The following INPP5J variants were observed in gnomAD, a reference collection of about 807,000 sequenced individuals.
INPP5J encodes inositol polyphosphate-5-phosphatase J.
In INPP5J, 75 loss-of-function variants were observed where a neutral mutation model predicts 86.6. That is an observed-to-expected ratio of 0.87 (90% CI 0.72 to 1.05). The LOEUF is 1.05. Ranked by LOEUF, INPP5J falls within the 50% of genes least tolerant of loss-of-function variation. INPP5J has a pLI of 0.00. For missense variants in INPP5J, 1,229 were observed against 1,341.2 expected (o/e 0.92, Z 1.31); for synonymous variants, 540 against 550.0 (o/e 0.98, Z 0.25).
chr22:31,128,566 G>A lies in INPP5J; in HGVS notation c.2105G>A (p.Arg702Gln), dbSNP rs541786704. ...AGCCCCTCAGGACGGAAGAGCCACC[G>A]ACTCCAGGTGACGCAGCACAGCTAC... ...GPSPSGRKSH[R>Q]LQVTQHSYRS... The change falls in exon 9 of 13, where the codon CGA becomes CAA. Residue 702 changes from arginine to glutamine, a missense_variant. Arg to Gln is a conservative substitution (Grantham distance 43). Coordinates refer to ENST00000331075, the MANE Select transcript of INPP5J (RefSeq NM_001284285.2). The A allele has an allele frequency of 2.9e-5, 46 of 1,613,314 alleles. No homozygotes were observed. In the East Asian group the frequency reaches 4.5e-4, roughly 16 times the overall value.
rs1363921103 is a variant in INPP5J at position 31,124,922 on chromosome 22, TG to T, written c.184del (p.Val62Ter). On this transcript the variant is annotated frameshift_variant, in exon 2 of 13. Coordinates refer to ENST00000331075, the MANE Select transcript of INPP5J (RefSeq NM_001284285.2). LOFTEE classifies it high-confidence loss of function. ...PSEPRLALAP[V>X]GPRAAMSASS... ...CGGAACCAAGGTTGGCTCTGGCACC[TG>T]TAGGGCCACGGGCAGCTATGTCAGC... 6.2e-7 allele frequency: 1 copy of T among 1,613,680 alleles called. No individual in the cohort carries two copies. Among genetic ancestry groups the T allele is most frequent in the Non-Finnish European group, 8.5e-7 (1 of 1,179,800 alleles).
chr22:31,125,292 C>G lies in INPP5J; in HGVS notation c.553C>G (p.Leu185Val). 1 of 1,550,570 alleles carries G rather than the reference C, an allele frequency of 6.4e-7. No individual in the cohort carries two copies. The highest frequency in any genetic ancestry group is 8.7e-7 in the Non-Finnish European group (1 of 1,146,992). The change falls in exon 2 of 13, where the codon CTG (leucine) becomes GTG (valine). Residue 185 changes from leucine (L) to valine (V), a missense_variant. Coordinates refer to ENST00000331075, the MANE Select transcript of INPP5J (RefSeq NM_001284285.2). The part of the protein sequence containing the change: ...GPKPTLAASG[L>V]SLALASEEQP... ...CAAGCCAACACTGGCAGCCTCTGGC[C>G]TGAGCCTGGCCCTGGCTTCTGAGGA...
chr22:31,130,196 C>T (rs932328112), intron 9 of INPP5J, among the ~76,000 whole-genome samples: 6 of 150,872 alleles, frequency 4.0e-5, no homozygotes, highest in Admixed American at 4.0e-4. Flanking sequence ...CAAAAATTAG[C>T]CTGGCGCAGT....
chr22:31,130,945 C>T (rs994577436), intron 9 of INPP5J, among the ~76,000 whole-genome samples: 1 of 152,150 alleles, frequency 6.6e-6, no homozygotes, highest in Admixed American at 6.5e-5. Context: ...CATACACAGG[C>T]TCTGCAGTGG....
intron 9 of INPP5J, 103 bp downstream of exon 9, chr22:31,128,757 C>A: frequency 1.0e-6 from 1 of 970,422 alleles, no homozygotes; most frequent in Non-Finnish European, 1.5e-6. Context: ...TACCTGCCCT[C>A]AGCAGCATCC....
At chr22:31,131,398 A>C (rs1922051632) in intron 9 of INPP5J, among the ~76,000 whole-genome samples, 2 of 151,992 alleles carry the variant, frequency 1.3e-5, no homozygotes, top group African/African-American at 4.8e-5. Flanking sequence ...CCCTCTCTCT[A>C]CTAAAAATAC....
At chr22:31,129,232 CTTTTTTT>C (rs576089657) in intron 9 of INPP5J, among the ~76,000 whole-genome samples, 17 of 79,124 alleles carry the variant, frequency 2.1e-4, no homozygotes, top group Non-Finnish European at 2.5e-4. Context: ...GTCTGGCCAA[CTTTTTTT>C]TTTTTTTTTT....
chr22:31,130,814 C>T (rs1165288229), intron 9 of INPP5J, among the ~76,000 whole-genome samples: 5 of 152,110 alleles, frequency 3.3e-5, no homozygotes, highest in Non-Finnish European at 7.3e-5. Context: ...TCCTGGTTGC[C>T]GACATCAAAA....
rs1349895971 is a variant in INPP5J at position 31,125,551 on chromosome 22, C to G, written c.812C>G (p.Thr271Ser). The change falls in exon 2 of 13, where the codon ACC (threonine) becomes AGC (serine). Residue 271 changes from threonine (T) to serine (S), a missense_variant. By Grantham distance (58) the Thr-to-Ser change is moderately conservative. Transcript: ENST00000331075. Reference protein sequence around the residue: ...GPTGSPPCIQTSPDPRLSPSF... With the variant: ...GPTGSPPCIQSSPDPRLSPSF... ...ACAGGCTCCCCACCCTGCATCCAAA[C>G]CTCCCCAGACCCTCGGCTCTCCCCC... 1.3e-6 allele frequency: 2 copies of G among 1,550,482 alleles called. No homozygotes were observed. Among genetic ancestry groups the G allele is most frequent in the African/African-American group, 2.7e-5 (2 of 73,026 alleles).
chr22:31,130,225 C>G (rs748555102), intron 9 of INPP5J, among the ~76,000 whole-genome samples: 6 of 152,148 alleles, frequency 3.9e-5, no homozygotes, highest in South Asian at 4.1e-4. Context: ...CCTGTAATCC[C>G]AGTTGCTTGG....
Position 31,125,918 on chromosome 22 carries a change from C to T in INPP5J, c.1179C>T (p.Ala393=). 6.2e-7 allele frequency: 1 copy of T among 1,613,624 alleles called. No homozygotes were observed. Among genetic ancestry groups the T allele is most frequent in the Non-Finnish European group, 8.5e-7 (1 of 1,179,674 alleles). Residue 393 remains alanine (A), a synonymous_variant, in exon 2 of 13, where the codon GCC becomes GCT. Coordinates refer to ENST00000331075, the MANE Select transcript of INPP5J (RefSeq NM_001284285.2). ...CLSPNLQAQE[A]PAPVTTSSST... ...GCCCCAACCTTCAGGCCCAAGAAGCCCCAGCCCCAGTCACCACCTCCTCTT... is the reference window on the plus strand; with the variant it reads ...GCCCCAACCTTCAGGCCCAAGAAGCTCCAGCCCCAGTCACCACCTCCTCTT...
At chr22:31,123,480 G>A in intron 1 of INPP5J, among the ~76,000 whole-genome samples, 1 of 152,154 alleles carries the variant, frequency 6.6e-6, no homozygotes. Context: ...ATCTGGGATG[G>A]CTAAGTTGTT....
intron 1 of INPP5J, 131 bp from the exon 2 acceptor site, chr22:31,124,714 G>C: frequency 2.6e-6 from 2 of 765,138 alleles, no homozygotes; most frequent in Non-Finnish European, 4.2e-6. Flanking sequence ...ATTGAAGTGA[G>C]ATAGTAGGAA....
intron 1 of INPP5J, chr22:31,123,756 A>C (rs1921084847): frequency 6.6e-6 from 1 of 152,226 alleles, no homozygotes; most frequent in Non-Finnish European, 1.5e-5. Context: ...GGTGAAGGAC[A>C]CTTTATCCTG....
intron 5 of INPP5J, 121 bp downstream of exon 5, chr22:31,127,158 C>G (rs571185815): frequency 1.6e-5 from 13 of 832,922 alleles, no homozygotes; most frequent in South Asian, 8.0e-5. Context: ...GCGGCCCAGC[C>G]CCCCCATGCA....
intron 1 of INPP5J, 56 bp downstream of exon 1, chr22:31,123,175 C>T: frequency 9.3e-7 from 1 of 1,074,984 alleles, no homozygotes; most frequent in Non-Finnish European, 1.3e-6. Context: ...TTCCACACAC[C>T]CCCCCCACAT....
intron 5 of INPP5J, 47 bp downstream of exon 5, chr22:31,127,084 T>TAATCTAAAGCCCCC: frequency 7.8e-7 from 1 of 1,284,866 alleles, no homozygotes; most frequent in Non-Finnish European, 1.1e-6. Context: ...TGAAGGGGGC[T>TAATCTAAAGCCCCC]TTAGATTAGT....
chr22:31,126,863 G>T, intron 4 of INPP5J, 58 bp from the exon 5 acceptor site: 2 of 1,453,942 alleles, frequency 1.4e-6, no homozygotes, highest in Non-Finnish European at 1.9e-6. Context: ...ACCTGAAGGT[G>T]GGCGCGAGGG....
chr22:31,125,114 C>G lies in INPP5J; in HGVS notation c.375C>G (p.Pro125=). Residue 125 remains proline (P), a synonymous_variant, in exon 2 of 13, where the codon CCC becomes CCG. Coordinates refer to ENST00000331075, the MANE Select transcript of INPP5J (RefSeq NM_001284285.2). ...CTGCCTCAGCTGGACCAAAGCCTCC[C>G]CCAGCGACCACAGGCTCAGTTCTGG... The part of the protein sequence containing the change: ...VMSASAGPKP[P]PATTGSVLAP... 6.5e-7 allele frequency: 1 copy of G among 1,550,024 alleles called. No homozygotes were observed.
Sources: allele counts gnomAD v4.1 joint callset (sites outside exome capture counted in the v4.1 genomes callset), GRCh38; gene constraint gnomAD v4.1.1; transcripts MANE v1.5; gene names NCBI Gene and HGNC (gene_info 2026-07-23, HGNC 2026-07-21).